Variants in PTGER3 observed in about 807,000 individuals in gnomAD.
PTGER3 encodes prostaglandin E2 receptor EP3 subtype.
PTGER3 carries 22 observed loss-of-function variants against 34.7 expected under a neutral mutation model. The ratio of observed to expected loss-of-function variants is 0.63; its 90% CI spans 0.45 to 0.91. PTGER3 has a LOEUF of 0.91. Ranked by LOEUF, PTGER3 falls within the 40% of genes least tolerant of loss-of-function variation. The probability of loss-of-function intolerance (pLI) is 0.00; values close to 1 mark genes in which losing one functional copy is unlikely to be tolerated. For synonymous variants in PTGER3, 241 were observed against 230.1 expected (o/e 1.05, Z -0.43); for missense variants, 468 against 519.4 (o/e 0.90, Z 0.96).
At position 70,873,811 on chromosome 1, in the gene PTGER3, C is replaced by T. The variant is rs940958666; in HGVS notation, c.*24-20952G>A. Among the ~76,000 whole-genome samples, 9 of 152,030 alleles carry T rather than the reference C, an allele frequency of 5.9e-5. No homozygotes were observed. In the East Asian group the frequency reaches 1.7e-3, roughly 29 times the overall value. Reference sequence around the variant, plus strand: ...TACAGGCACGCACCAGCATGCCTGGCTAATTTTTTGTATCTTTAGCAGAGA... The same window carrying T: ...TACAGGCACGCACCAGCATGCCTGGTTAATTTTTTGTATCTTTAGCAGAGA... On this transcript the variant is annotated intron_variant, in intron 4 of 4. Coordinates refer to the PTGER3 transcript ENST00000370931.
intron 4 of PTGER3, among the ~76,000 whole-genome samples, chr1:70,884,782 T>C (rs1646461888): frequency 6.6e-6 from 1 of 152,222 alleles, no homozygotes; most frequent in Non-Finnish European, 1.5e-5. Flanking sequence ...AGTGTATACA[T>C]GTGTAATTCT....
intron 2 of PTGER3, chr1:71,011,552 C>A (rs977541798): frequency 3.1e-5 from 31 of 984,836 alleles, no homozygotes; most frequent in Admixed American, 6.2e-5. Flanking sequence ...GAATAATTAG[C>A]AATTTGGGTA....
chr1:71,006,981 C>A, intron 2 of PTGER3: 2 of 985,670 alleles, frequency 2.0e-6, no homozygotes, highest in South Asian at 4.7e-5. Context: ...TTCATACGCT[C>A]TTTTATTTTT....
intron 4 of PTGER3, among the ~76,000 whole-genome samples, chr1:70,874,384 C>T (rs961807722): frequency 7.2e-5 from 11 of 152,182 alleles, no homozygotes; most frequent in African/African-American, 1.4e-4. Context: ...GACTCAATTG[C>T]GTGTTGCCAT....
At chr1:71,010,009 T>A in intron 2 of PTGER3, 1 of 985,148 alleles carries the variant, frequency 1.0e-6, no homozygotes, top group Non-Finnish European at 1.2e-6. Flanking sequence ...ATTTACATAA[T>A]TTCTTTGTTT....
intron 4 of PTGER3, chr1:70,869,162 A>G: frequency 5.3e-6 from 2 of 377,540 alleles, no homozygotes; most frequent in Non-Finnish European, 1.1e-5. Context: ...GGCAAAAGCA[A>G]GAGCAAGAGA....
chr1:70,953,011 A>T (rs1650919534), exon 4 of PTGER3: 1 of 1,611,856 alleles, frequency 6.2e-7, no homozygotes, highest in Admixed American at 1.7e-5. Context: ...ACTTGCCCAC[A>T]ATGTGCAGTT....
chr1:70,991,627 G>A (rs74087140), intron 2 of PTGER3, among the ~76,000 whole-genome samples: 8,598 of 152,128 alleles, frequency 0.057, 435 homozygotes, highest in African/African-American at 0.13. Flanking sequence ...ATAGCTTCAG[G>A]TGTCTGTCTT....
chr1:71,010,839 A>G, intron 2 of PTGER3: 2 of 984,806 alleles, frequency 2.0e-6, no homozygotes, highest in Non-Finnish European at 2.4e-6. Flanking sequence ...TGGTGTATAT[A>G]TCAATCTGAT....
intron 1 of PTGER3, among the ~76,000 whole-genome samples, chr1:71,036,530 T>C (rs1572994425): frequency 6.7e-6 from 1 of 149,902 alleles, no homozygotes; most frequent in East Asian, 2.0e-4. Flanking sequence ...ATAAAATAAA[T>C]TAATTAAAAA....
At chr1:70,913,690 T>C (rs1647110526) in intron 4 of PTGER3, among the ~76,000 whole-genome samples, 1 of 151,960 alleles carries the variant, frequency 6.6e-6, no homozygotes, top group African/African-American at 2.4e-5. Flanking sequence ...TTATCAGGAA[T>C]AAATATAGAT....
intron 1 of PTGER3, 43 bp downstream of exon 1, chr1:71,046,638 T>A: frequency 6.6e-7 from 1 of 1,506,290 alleles, no homozygotes; most frequent in Non-Finnish European, 8.8e-7. Context: ...TCCCGCTTAC[T>A]CGCACACGCA....
chr1:70,953,912 A>AGACT, intron 2 of PTGER3: 1 of 494,560 alleles, frequency 2.0e-6, no homozygotes, highest in East Asian at 3.6e-5. Flanking sequence ...AATGGTAAAT[A>AGACT]GACTAAAAGT....
chr1:70,920,792 A>C (rs1490191405), intron 4 of PTGER3, among the ~76,000 whole-genome samples: 1 of 152,220 alleles, frequency 6.6e-6, no homozygotes. Flanking sequence ...TCAGTTGTTC[A>C]TATTTTATTA....
At chr1:71,037,251 C>G (rs1659921357) in intron 1 of PTGER3, among the ~76,000 whole-genome samples, 1 of 152,326 alleles carries the variant, frequency 6.6e-6, no homozygotes, top group Admixed American at 6.5e-5. Flanking sequence ...TACTGTCTGT[C>G]TACCTTAGTA....
At chr1:70,938,896 C>T (rs1277438614) in intron 4 of PTGER3, among the ~76,000 whole-genome samples, 1 of 152,154 alleles carries the variant, frequency 6.6e-6, no homozygotes, top group Non-Finnish European at 1.5e-5. Context: ...GCCGGCCCCT[C>T]CAAATCTCAT....
intron 4 of PTGER3, among the ~76,000 whole-genome samples, chr1:70,879,116 G>T (rs1646332335): frequency 6.6e-6 from 1 of 152,062 alleles, no homozygotes; most frequent in Non-Finnish European, 1.5e-5. Context: ...TCTCTTCATA[G>T]GTCTGTAAGT....
At chr1:70,971,870 T>A (rs1653120409) in intron 3 of PTGER3, 137 bp from the exon 4 acceptor site, 1 of 552,194 alleles carries the variant, frequency 1.8e-6, no homozygotes, top group Non-Finnish European at 3.1e-6. Context: ...TCTTTTGAAG[T>A]AATTACATGT....
In PTGER3 at chr1:71,046,306, AC is replaced by A. The variant is rs1553181240; in HGVS notation, c.897+374del. On this transcript the variant is annotated intron_variant, in intron 1 of 3. Coordinates refer to ENST00000306666, the MANE Select transcript of PTGER3 (RefSeq NM_198719.2). ...GTCTCAAAAAAAAAAAAAAAAAAAA[AC>A]CCCACAATATCAGGCTACAGTTATC... 3.9e-4 allele frequency among the ~76,000 whole-genome samples: 58 copies of A among 147,182 alleles called. 4 individuals carry two copies. The highest frequency in any genetic ancestry group is 1.2e-3 in the African/African-American group (47 of 40,062).
Sources: gnomAD v4.1 joint callset for allele counts (sites outside exome capture counted in the v4.1 genomes callset) on GRCh38, gnomAD v4.1.1 for gene constraint, MANE v1.5 for transcripts, NCBI Gene and HGNC (gene_info 2026-07-23, HGNC 2026-07-21) for gene names.